The following SCN2A variants were observed in gnomAD, a reference collection of about 807,000 sequenced individuals.
SCN2A encodes the protein sodium channel protein type 2 subunit alpha.
In SCN2A, 20 loss-of-function variants were observed where a neutral mutation model predicts 188.7. That is an observed-to-expected ratio of 0.11 (90% CI 0.07 to 0.15). The LOEUF is 0.15. Ranked by LOEUF, SCN2A falls within the 10% of genes least tolerant of loss-of-function variation. SCN2A has a pLI of 1.00. For synonymous variants in SCN2A, 804 were observed against 833.1 expected, an observed-to-expected ratio of 0.97 and a Z score of 0.60; for missense variants, 1,278 against 2,445.0, an observed-to-expected ratio of 0.52 and a Z score of 10.07.
At chr2:165,370,512 A>G in intron 20 of SCN2A, 1 of 442,112 alleles carries the variant, frequency 2.3e-6, no homozygotes, top group Non-Finnish European at 4.0e-6. Context: ...ATCATACTAT[A>G]CTTATTCACT....
Position 165,391,705 on chromosome 2 carries a change from A to T in SCN2A, c.*1881A>T. 1 of 152,632 alleles carries T rather than the reference A, an allele frequency of 6.6e-6. No individual in the cohort carries two copies. 9.5% of individuals were successfully genotyped at this position (152,632 alleles called of 1,614,324 possible). On this transcript the variant is annotated 3_prime_UTR_variant, in exon 27 of 27. Transcript: ENST00000375437. ...ATACTCTTGGCATTGCTTGAATCCA[A>T]TGTTTCCACCTAGTCTTTTTATTCA... is the stretch of plus-strand genomic sequence containing the variant.
chr2:165,257,509 TTTG>T lies in SCN2A; in HGVS notation c.-52+17881_-52+17883del, dbSNP rs955793057. On this transcript the variant is annotated intron_variant, in intron 1 of 26. Transcript: ENST00000375437. ...CTCATTGTGGTTTTTGTTTCTGTGTTTTGTTGTTGTTGTTTTTGTTGTTGTTGT... is the reference window on the plus strand; with the variant it reads ...CTCATTGTGGTTTTTGTTTCTGTGTTTTGTTGTTGTTTTTGTTGTTGTTGT... Among the ~76,000 whole-genome samples the T allele has an allele frequency of 1.2e-4, 19 of 152,108 alleles. 1 individual carries two copies. The highest frequency in any genetic ancestry group is 5.2e-4 in the Admixed American group (8 of 15,278).
intron 1 of SCN2A, among the ~76,000 whole-genome samples, chr2:165,251,185 T>C (rs1694075964): frequency 1.3e-5 from 2 of 151,994 alleles, no homozygotes; most frequent in Admixed American, 6.6e-5. Flanking sequence ...AAGCAAAATC[T>C]AGCCAAACCA....
intron 17 of SCN2A, among the ~76,000 whole-genome samples, chr2:165,361,890 C>T (rs958741802): frequency 4.6e-5 from 7 of 152,036 alleles, no homozygotes; most frequent in African/African-American, 4.8e-5. Flanking sequence ...TAAGACAATA[C>T]TCCTAGTTCT....
chr2:165,328,596 A>G, intron 13 of SCN2A: 1 of 757,804 alleles, frequency 1.3e-6, no homozygotes, highest in Non-Finnish European at 1.6e-6. Flanking sequence ...TTTGAGCTAA[A>G]TAAGACATTA....
At chr2:165,376,262 A>T (rs1558876014) in intron 22 of SCN2A, among the ~76,000 whole-genome samples, 1 of 151,500 alleles carries the variant, frequency 6.6e-6, no homozygotes. Context: ...GCCATTTCAC[A>T]ATATATATAT....
chr2:165,345,043 A>G, intron 16 of SCN2A, 132 bp downstream of exon 16: 4 of 1,125,424 alleles, frequency 3.6e-6, no homozygotes. Context: ...CATGACTGTA[A>G]GAGCCATGTA....
chr2:165,364,945 G>T (rs977367248), intron 17 of SCN2A, among the ~76,000 whole-genome samples, 198 bp from the exon 18 acceptor site: 2 of 151,262 alleles, frequency 1.3e-5, no homozygotes, highest in African/African-American at 4.9e-5. Flanking sequence ...ATATTTTAAA[G>T]AAAAAAAATA....
intron 11 of SCN2A, among the ~76,000 whole-genome samples, chr2:165,318,178 T>C (rs952986482): frequency 2.6e-5 from 4 of 152,202 alleles, no homozygotes; most frequent in Admixed American, 2.0e-4. Flanking sequence ...TGTGTTTGTA[T>C]TGAAAAACTA....
chr2:165,262,479 C>T (rs1275029388), intron 1 of SCN2A, among the ~76,000 whole-genome samples: 1 of 152,088 alleles, frequency 6.6e-6, no homozygotes, highest in Non-Finnish European at 1.5e-5. Context: ...GTTTGGTTTT[C>T]CATTCCTGAG....
In SCN2A at chr2:165,381,071, A is replaced by G. The variant is rs1339357462; in HGVS notation, c.4447-22A>G. The G allele has an allele frequency of 2.7e-6, 4 of 1,478,160 alleles. No individual in the cohort carries two copies. The African/African-American group carries it at 5.5e-5, about 20-fold the overall frequency. 91.6% of individuals were successfully genotyped at this position (1,478,160 alleles called of 1,614,324 possible). A position where few individuals can be genotyped will look rare whatever the true frequency, so the allele number is the denominator to read the frequency against. ...GCCAGCAAAGAACACAATTTTAACAAGTGTTGCTTTCATTTCTTTACTTTG... is the reference window on the plus strand; with the variant it reads ...GCCAGCAAAGAACACAATTTTAACAGGTGTTGCTTTCATTTCTTTACTTTG... On this transcript the variant is annotated intron_variant, in intron 24 of 26. Transcript: ENST00000375437.
chr2:165,387,241 C>T (rs1383880409), intron 26 of SCN2A, among the ~76,000 whole-genome samples: 1 of 152,068 alleles, frequency 6.6e-6, no homozygotes, highest in African/African-American at 2.4e-5. Flanking sequence ...TTCATTTATT[C>T]TCATTTAATA....
At chr2:165,281,662 C>T (rs547630077) in intron 1 of SCN2A, among the ~76,000 whole-genome samples, 2 of 152,160 alleles carry the variant, frequency 1.3e-5, no homozygotes, top group South Asian at 2.1e-4. Flanking sequence ...AGAATAGTGA[C>T]TCGACTGTTT....
chr2:165,260,831 G>C (rs202035514), intron 1 of SCN2A, among the ~76,000 whole-genome samples: 1 of 151,860 alleles, frequency 6.6e-6, no homozygotes, highest in Admixed American at 6.6e-5. Context: ...TGAGTTGGGG[G>C]TGGTGGCAGG....
intron 1 of SCN2A, among the ~76,000 whole-genome samples, chr2:165,257,851 G>A (rs1694397796): frequency 6.6e-6 from 1 of 152,122 alleles, no homozygotes; most frequent in Non-Finnish European, 1.5e-5. Context: ...TTGTGGTTTT[G>A]ATTTGCATTC....
intron 1 of SCN2A, among the ~76,000 whole-genome samples, chr2:165,276,925 C>T (rs1239275036): frequency 6.6e-6 from 1 of 152,054 alleles, no homozygotes; most frequent in Admixed American, 6.6e-5. Context: ...CCTATAATCC[C>T]AGTACTTTGG....
Position 165,250,220 on chromosome 2 carries a change from T to C in SCN2A, c.-52+10580T>C, listed in dbSNP as rs187930099. Among the ~76,000 whole-genome samples the C allele has an allele frequency of 2.8e-3, 428 of 152,190 alleles. 5 individuals are homozygous for C. In the Middle Eastern group the frequency reaches 0.031, roughly 11 times the overall value. On this transcript the variant is annotated intron_variant, in intron 1 of 26. Coordinates refer to ENST00000375437, the MANE Select transcript of SCN2A (RefSeq NM_001040142.2). ...CCTCCATAGGAGGTAATACATATGCTGAGCTCTACTCATTTAAAACTTCAA... is the reference window on the plus strand; with the variant it reads ...CCTCCATAGGAGGTAATACATATGCCGAGCTCTACTCATTTAAAACTTCAA...
chr2:165,365,311 C>G (rs1206853041), intron 18 of SCN2A, 48 bp downstream of exon 18: 2 of 1,604,874 alleles, frequency 1.2e-6, no homozygotes, highest in African/African-American at 1.3e-5. Flanking sequence ...TCTTTTCTAC[C>G]CATTTTTTCC....
In SCN2A at chr2:165,377,366, A is replaced by G. The variant is rs77089249; in HGVS notation, c.4255-231A>G. Among the ~76,000 whole-genome samples, 589 of 152,118 alleles carry G rather than the reference A, an allele frequency of 3.9e-3. 6 individuals are homozygous for G. The East Asian group carries it at 0.049, about 13-fold the overall frequency. On this transcript the variant is annotated intron_variant, in intron 22 of 26. Transcript: ENST00000375437. ...TGATAGCATATTGTTACAGTAGATC[A>G]TTATTTAATTATATATGCTAAATAT...
Sources: allele counts gnomAD v4.1 joint callset (sites outside exome capture counted in the v4.1 genomes callset), GRCh38; gene constraint gnomAD v4.1.1; transcripts MANE v1.5; gene names NCBI Gene and HGNC (gene_info 2026-07-23, HGNC 2026-07-21).